Variants in PLPPR1 observed in about 807,000 individuals in gnomAD.
PLPPR1 encodes the protein phospholipid phosphatase related 1, also known as phospholipid phosphatase-related protein type 1.
PLPPR1 carries 10 observed loss-of-function variants against 33.1 expected under a neutral mutation model. The ratio of observed to expected loss-of-function variants is 0.30; its 90% CI spans 0.19 to 0.51. PLPPR1 has a LOEUF of 0.51. Ranked by LOEUF, PLPPR1 falls within the 20% of genes least tolerant of loss-of-function variation. The probability of loss-of-function intolerance (pLI) is 0.97; values close to 1 mark genes in which losing one functional copy is unlikely to be tolerated. For missense variants in PLPPR1, 304 were observed against 408.1 expected (o/e 0.74, Z 2.20); for synonymous variants, 151 against 151.0 (o/e 1.00, Z 0.00).
chr9:101,318,340 A>T (rs1384884126), intron 7 of PLPPR1, among the ~76,000 whole-genome samples: 1 of 152,234 alleles, frequency 6.6e-6, no homozygotes, highest in African/African-American at 2.4e-5. Flanking sequence ...TTGCCAACTG[A>T]AAGGAGCCTG....
chr9:101,164,043 T>G (rs1825812723), intron 1 of PLPPR1, among the ~76,000 whole-genome samples: 1 of 152,194 alleles, frequency 6.6e-6, no homozygotes, highest in African/African-American at 2.4e-5. Flanking sequence ...AATGAACCAA[T>G]GTATCAGACA....
rs192275343 is a variant in PLPPR1 at position 101,153,785 on chromosome 9, G to A, written c.-45-31665G>A. Among the ~76,000 whole-genome samples the A allele has an allele frequency of 5.1e-4, 77 of 149,808 alleles. No individual in the cohort carries two copies. In the Middle Eastern group the frequency reaches 0.014, roughly 27 times the overall value. ...TTTTTAGTAGAGACGGGGTTTCACC[G>A]TGTTAGCCAGGATGGTCTTGATCTC... is the stretch of plus-strand genomic sequence containing the variant. On this transcript the variant is annotated intron_variant, in intron 1 of 7. Coordinates refer to ENST00000374874, the MANE Select transcript of PLPPR1 (RefSeq NM_207299.2).
At chr9:101,029,997 T>C (rs1426667085) in intron 1 of PLPPR1, among the ~76,000 whole-genome samples, 1 of 152,018 alleles carries the variant, frequency 6.6e-6, no homozygotes, top group East Asian at 1.9e-4. Flanking sequence ...GATGTCGGGT[T>C]TTTTTCCTTT....
chr9:101,055,405 T>C (rs943499070), intron 1 of PLPPR1, among the ~76,000 whole-genome samples: 1 of 152,228 alleles, frequency 6.6e-6, no homozygotes, highest in Non-Finnish European at 1.5e-5. Context: ...AGTCTCCAGC[T>C]GAGACAGTTG....
intron 2 of PLPPR1, among the ~76,000 whole-genome samples, chr9:101,199,352 C>T (rs553931583): frequency 6.6e-6 from 1 of 152,266 alleles, no homozygotes; most frequent in Admixed American, 6.5e-5. Flanking sequence ...TCTGCTAGTC[C>T]CTGTGGCAGG....
intron 1 of PLPPR1, among the ~76,000 whole-genome samples, chr9:101,155,891 G>A (rs550169940): frequency 6.6e-6 from 1 of 152,224 alleles, no homozygotes; most frequent in Non-Finnish European, 1.5e-5. Context: ...TGAGCCACTG[G>A]CTGGGCCGGG....
chr9:101,189,471 C>T (rs1826258547), intron 2 of PLPPR1, among the ~76,000 whole-genome samples: 1 of 151,990 alleles, frequency 6.6e-6, no homozygotes, highest in Non-Finnish European at 1.5e-5. Flanking sequence ...TTCCTGAATT[C>T]CAAAAGGGAG....
intron 1 of PLPPR1, among the ~76,000 whole-genome samples, chr9:101,032,305 T>C (rs545354): frequency 0.64 from 96,765 of 152,070 alleles, 31,836 homozygotes; most frequent in East Asian, 0.9. Flanking sequence ...TGACTGTGAC[T>C]ACAGTGTGGA....
intron 2 of PLPPR1, among the ~76,000 whole-genome samples, chr9:101,203,718 T>TTATATAGATATATCTATCTATA (rs1554736553): frequency 2.8e-4 from 41 of 144,982 alleles, no homozygotes; most frequent in Non-Finnish European, 5.0e-4. Context: ...TATATACACA[T>TTATATAGATATATCTATCTATA]TATATAGATA....
chr9:101,135,280 T>G (rs1028223057), intron 1 of PLPPR1, among the ~76,000 whole-genome samples: 1 of 152,332 alleles, frequency 6.6e-6, no homozygotes, highest in South Asian at 2.1e-4. Flanking sequence ...AAAGGCCTTA[T>G]CTAAATCCCC....
At chr9:101,306,529 CACA>C (rs950469000) in intron 4 of PLPPR1, among the ~76,000 whole-genome samples, 1 of 152,202 alleles carries the variant, frequency 6.6e-6, no homozygotes, top group Non-Finnish European at 1.5e-5. Context: ...CCACAGCAAT[CACA>C]ACAAGGACAT....
At chr9:101,276,127 C>T (rs1280443719) in intron 3 of PLPPR1, among the ~76,000 whole-genome samples, 1 of 152,046 alleles carries the variant, frequency 6.6e-6, no homozygotes, top group Non-Finnish European at 1.5e-5. Flanking sequence ...TCATAATCTG[C>T]CTTTTCCAGG....
chr9:101,051,820 G>A (rs1319519702), intron 1 of PLPPR1, among the ~76,000 whole-genome samples: 1 of 152,176 alleles, frequency 6.6e-6, no homozygotes, highest in Non-Finnish European at 1.5e-5. Context: ...ACGCATTGGT[G>A]ATAACCTCTA....
At chr9:101,260,956 C>T (rs1293077721) in intron 2 of PLPPR1, among the ~76,000 whole-genome samples, 2 of 152,056 alleles carry the variant, frequency 1.3e-5, no homozygotes, top group African/African-American at 4.8e-5. Flanking sequence ...CAGTCAACCT[C>T]TACTATCACC....
chr9:101,093,160 A>G (rs1443095367), intron 1 of PLPPR1, among the ~76,000 whole-genome samples: 2 of 152,218 alleles, frequency 1.3e-5, no homozygotes, highest in African/African-American at 2.4e-5. Flanking sequence ...GTCATTTTCA[A>G]ATTTGATAAG....
At chr9:101,046,687 C>T (rs773531303) in intron 1 of PLPPR1, among the ~76,000 whole-genome samples, 37 of 152,046 alleles carry the variant, frequency 2.4e-4, no homozygotes, top group Admixed American at 5.2e-4. Context: ...TCGTGATCCA[C>T]CTGCCTCGGC....
intron 1 of PLPPR1, among the ~76,000 whole-genome samples, chr9:101,174,660 G>A (rs867796872): frequency 2.0e-5 from 3 of 152,024 alleles, no homozygotes; most frequent in African/African-American, 7.2e-5. Flanking sequence ...CTTTGTAATG[G>A]GTAATTATTT....
At chr9:101,108,113 G>A (rs533130166) in intron 1 of PLPPR1, among the ~76,000 whole-genome samples, 62 of 146,864 alleles carry the variant, frequency 4.2e-4, no homozygotes, top group Non-Finnish European at 8.7e-4. Context: ...CGTCTTCTGC[G>A]TCGCTCACGC....
Position 101,323,096 on chromosome 9 carries a change from A to G in PLPPR1, c.946-929A>G, listed in dbSNP as rs186780251. On this transcript the variant is annotated intron_variant, in intron 7 of 7. Transcript: ENST00000374874. ...TAAACACTAGAGCTGTTTCATATTT[A>G]AAACATTACATTAAAAATGTGCGGG... 6.0e-4 allele frequency among the ~76,000 whole-genome samples: 91 copies of G among 152,362 alleles called. 2 individuals are homozygous for G. In the East Asian group the frequency reaches 0.016, roughly 27 times the overall value.
Sources: allele counts gnomAD v4.1 joint callset (sites outside exome capture counted in the v4.1 genomes callset), GRCh38; gene constraint gnomAD v4.1.1; transcripts MANE v1.5; gene names NCBI Gene and HGNC (gene_info 2026-07-23, HGNC 2026-07-21).